The following GALNT11 variants were observed in gnomAD, a reference collection of about 807,000 sequenced individuals.
The protein encoded by GALNT11 is UDP-GalNAc:polypeptide N-acetylgalactosaminyltransferase 11.
Under a neutral mutation model 72.7 loss-of-function variants are expected in GALNT11, and 47 were observed. The ratio of observed to expected loss-of-function variants is 0.65; its 90% CI spans 0.51 to 0.82. The LOEUF (loss-of-function observed/expected upper bound fraction) is 0.82. GALNT11 is among the 40% of genes least tolerant of loss of function. The pLI is 0.00. For synonymous variants in GALNT11, 270 were observed against 286.6 expected (o/e 0.94, Z 0.58); for missense variants, 677 against 778.4 (o/e 0.87, Z 1.55).
intron 5 of GALNT11, 84 bp from the exon 6 acceptor site, chr7:152,107,954 C>G (rs1398658272): frequency 2.0e-6 from 3 of 1,484,956 alleles, no homozygotes; most frequent in Non-Finnish European, 2.7e-6. Flanking sequence ...CATGCTGTGT[C>G]AGCGCGTCAT....
chr7:152,044,545 T>C (rs182711619), intron 1 of GALNT11, among the ~76,000 whole-genome samples: 188 of 152,314 alleles, frequency 1.2e-3, no homozygotes, highest in African/African-American at 4.2e-3. Flanking sequence ...TTAATTTTAT[T>C]TGTGGCTATT....
intron 8 of GALNT11, 195 bp from the exon 9 acceptor site, chr7:152,116,962 T>C (rs2088925668): frequency 1.4e-6 from 1 of 690,658 alleles, no homozygotes; most frequent in African/African-American, 1.8e-5. Context: ...AGAACATCGA[T>C]GACTGAGACT....
At chr7:152,062,367 T>C (rs1420542733) in intron 1 of GALNT11, among the ~76,000 whole-genome samples, 1 of 152,330 alleles carries the variant, frequency 6.6e-6, no homozygotes, top group Non-Finnish European at 1.5e-5. Flanking sequence ...GATTTTGGGC[T>C]GAGACGATGA....
chr7:152,062,901 A>C (rs187937194), intron 1 of GALNT11, among the ~76,000 whole-genome samples: 2 of 152,236 alleles, frequency 1.3e-5, no homozygotes, highest in African/African-American at 4.8e-5. Flanking sequence ...ATCGGTGTTC[A>C]TCAGGGATAT....
intron 1 of GALNT11, among the ~76,000 whole-genome samples, chr7:152,054,287 T>A (rs2083542592): frequency 6.6e-6 from 1 of 151,914 alleles, no homozygotes; most frequent in Non-Finnish European, 1.5e-5. Flanking sequence ...AACTTCATTA[T>A]AAATTGTATT....
chr7:152,072,198 T>G (rs988977618), intron 1 of GALNT11, among the ~76,000 whole-genome samples: 2 of 150,800 alleles, frequency 1.3e-5, no homozygotes, highest in Admixed American at 6.6e-5. Flanking sequence ...GCACGTCTGT[T>G]GTCCCAGCTA....
chr7:152,074,849 C>T (rs2084857675), intron 1 of GALNT11: 1 of 152,302 alleles, frequency 6.6e-6, no homozygotes, highest in African/African-American at 2.4e-5. Flanking sequence ...TTTTTTTGCC[C>T]TGTAGGTATG....
chr7:152,067,816 T>C lies in GALNT11; in HGVS notation c.-38-26374T>C, dbSNP rs115419319. On this transcript the variant is annotated intron_variant, in intron 1 of 11. Coordinates refer to ENST00000430044, the MANE Select transcript of GALNT11 (RefSeq NM_022087.4). ...CATAAAGAAAAGAGGTTTAATTGGC[T>C]CAGGGTTCTGCAGGCTTTACGGGAA... 2.8e-3 allele frequency among the ~76,000 whole-genome samples: 428 copies of C among 152,234 alleles called. 1 individual carries two copies. The highest frequency in any genetic ancestry group is 1.0e-2 in the African/African-American group (414 of 41,534).
intron 3 of GALNT11, among the ~76,000 whole-genome samples, chr7:152,101,360 G>A (rs1357218862): frequency 6.6e-6 from 1 of 152,074 alleles, no homozygotes; most frequent in African/African-American, 2.4e-5. Flanking sequence ...AGCACCTTCT[G>A]TTTGCTACAC....
Position 152,069,643 on chromosome 7 carries a change from C to G in GALNT11, c.-38-24547C>G, listed in dbSNP as rs1384267653. Among the ~76,000 whole-genome samples the G allele has an allele frequency of 2.0e-5, 3 of 152,190 alleles. No homozygotes were observed. In the East Asian group the frequency reaches 5.8e-4, roughly 29 times the overall value. ...TGTTACGTCTTCTTGGAGAACCGAC[C>G]TCTTTATCATTATATAAGATCCTTT... On this transcript the variant is annotated intron_variant, in intron 1 of 11. Coordinates refer to ENST00000430044, the MANE Select transcript of GALNT11 (RefSeq NM_022087.4).
intron 2 of GALNT11, 112 bp from the exon 3 acceptor site, chr7:152,100,686 G>T: frequency 1.5e-6 from 2 of 1,315,048 alleles, no homozygotes; most frequent in South Asian, 1.4e-5. Context: ...TGAGAAAAGA[G>T]ATATTAGATT....
chr7:152,101,642 TG>T (rs35797393), intron 3 of GALNT11, among the ~76,000 whole-genome samples: 8,460 of 92,948 alleles, frequency 0.091, 518 homozygotes, highest in East Asian at 0.25. Context: ...GGCTTTTTTT[TG>T]GGGGGGGGGG....
chr7:152,096,796 C>T (rs1414527359), intron 2 of GALNT11, among the ~76,000 whole-genome samples: 1 of 151,288 alleles, frequency 6.6e-6, no homozygotes, highest in Non-Finnish European at 1.5e-5. Flanking sequence ...AATAAGGGTT[C>T]AGTATCCAGA....
In GALNT11 at chr7:152,102,548, G is replaced by A. The variant is rs1392920279; in HGVS notation, c.420-564G>A. Among the ~76,000 whole-genome samples the A allele has an allele frequency of 3.3e-5, 5 of 151,610 alleles. No individual in the cohort carries two copies. In the East Asian group the frequency reaches 9.7e-4, roughly 30 times the overall value. ...AGAGCAAGACACCGTCTCAAAAAAAGAAAAAATTTATCCAAAAGTAAACAA... is the reference window on the plus strand; with the variant it reads ...AGAGCAAGACACCGTCTCAAAAAAAAAAAAAATTTATCCAAAAGTAAACAA... On this transcript the variant is annotated intron_variant, in intron 3 of 11. Coordinates refer to ENST00000430044, the MANE Select transcript of GALNT11 (RefSeq NM_022087.4).
At chr7:152,118,586 T>C in intron 9 of GALNT11, 92 bp from the exon 10 acceptor site, 1 of 1,050,324 alleles carries the variant, frequency 9.5e-7, no homozygotes, top group Non-Finnish European at 1.4e-6. Context: ...ACCTCCGGAA[T>C]AACCTTTCAC....
At chr7:152,048,887 G>A (rs1009150946) in intron 1 of GALNT11, among the ~76,000 whole-genome samples, 8 of 150,836 alleles carry the variant, frequency 5.3e-5, no homozygotes, top group African/African-American at 2.0e-4. Flanking sequence ...TCCTTCTTCT[G>A]CTTGATCTGT....
intron 1 of GALNT11, among the ~76,000 whole-genome samples, chr7:152,033,097 C>T (rs1260411632): frequency 2.0e-5 from 3 of 152,160 alleles, no homozygotes; most frequent in Admixed American, 6.5e-5. Context: ...CTGGCGCTTG[C>T]CCGAGGCACC....
chr7:152,084,510 A>G (rs1303777148), intron 1 of GALNT11, among the ~76,000 whole-genome samples: 1 of 152,160 alleles, frequency 6.6e-6, no homozygotes, highest in Non-Finnish European at 1.5e-5. Context: ...TCATGGACTA[A>G]GAGGAAGACT....
intron 1 of GALNT11, among the ~76,000 whole-genome samples, chr7:152,028,686 CT>C (rs890324314): frequency 3.3e-4 from 50 of 152,168 alleles, no homozygotes; most frequent in African/African-American, 1.2e-3. Context: ...AATCCCCCCC[CT>C]CTAAACAGGA....
Sources: allele counts gnomAD v4.1 joint callset (sites outside exome capture counted in the v4.1 genomes callset), GRCh38; gene constraint gnomAD v4.1.1; transcripts MANE v1.5; gene names NCBI Gene and HGNC (gene_info 2026-07-23, HGNC 2026-07-21).